The following PLEK2 variants were observed in gnomAD, a reference collection of about 807,000 sequenced individuals.
PLEK2 encodes pleckstrin 2.
In PLEK2, 29 loss-of-function variants were observed where a neutral mutation model predicts 43.8. The ratio of observed to expected loss-of-function variants is 0.66; its 90% CI spans 0.49 to 0.90. The LOEUF (loss-of-function observed/expected upper bound fraction) is 0.90, where lower values mean the gene tolerates loss of function less well. PLEK2 is among the 40% of genes least tolerant of loss of function. PLEK2 has a pLI of 0.00. For missense variants in PLEK2, 398 were observed against 448.1 expected (o/e 0.89, Z 1.01); for synonymous variants, 162 against 173.2 (o/e 0.94, Z 0.51).
intron 1 of PLEK2, 132 bp downstream of exon 1, chr14:67,411,886 C>G (rs2086117401): frequency 2.5e-6 from 2 of 812,278 alleles, no homozygotes; most frequent in Non-Finnish European, 1.8e-6. Flanking sequence ...ACAGGCGGCC[C>G]GGTCCCACCA....
chr14:67,410,158 T>C (rs1172431764), intron 1 of PLEK2, among the ~76,000 whole-genome samples: 2 of 152,072 alleles, frequency 1.3e-5, no homozygotes, highest in Non-Finnish European at 2.9e-5. Flanking sequence ...ATCCTCCTGG[T>C]GATATCCTGG....
intron 1 of PLEK2, among the ~76,000 whole-genome samples, chr14:67,407,671 C>T (rs2086088255): frequency 6.6e-6 from 1 of 151,998 alleles, no homozygotes; most frequent in Non-Finnish European, 1.5e-5. Context: ...GAACTCCTGG[C>T]CTCAAGCAAT....
In PLEK2 at chr14:67,392,380, C is replaced by T. The variant is rs778556585; in HGVS notation, c.717G>A (p.Leu239=). Reference sequence around the variant, plus strand: ...CCGTGCCACTTAACTCCACAGTGCTCAGGCTAATTTCTTCCTTGGGGCTTA... The same window carrying T: ...CCGTGCCACTTAACTCCACAGTGCTTAGGCTAATTTCTTCCTTGGGGCTTA... ...KKISPKEEIS[L]STVELSGTVV... The change falls in exon 6 of 9, where the codon CTG becomes CTA. Residue 239 remains leucine (L), a synonymous_variant. Transcript: ENST00000216446. 5 of 1,614,034 alleles carry T rather than the reference C, an allele frequency of 3.1e-6. No individual in the cohort carries two copies. In the South Asian group the frequency reaches 3.3e-5, roughly 11 times the overall value.
chr14:67,397,779 C>G lies in PLEK2; in HGVS notation c.90G>C (p.Gln30His). Residue 30 changes from glutamine to histidine, a missense_variant, in exon 2 of 9, where the codon CAG becomes CAC. Coordinates refer to ENST00000216446, the MANE Select transcript of PLEK2 (RefSeq NM_016445.3). The stretch of plus-strand genomic sequence containing the variant: ...CAAGCTTGTAGTACACCAGCGTGTT[C>G]TGCCGAAGGATGAACCATCGCGCCT... ...NWKARWFILR[Q>H]NTLVYYKLEG... 6.2e-7 allele frequency: 1 copy of G among 1,613,390 alleles called. No homozygotes were observed. Among genetic ancestry groups the G allele is most frequent in the Admixed American group, 1.7e-5 (1 of 59,928 alleles).
At chr14:67,388,009 G>T (rs1240402223) in intron 8 of PLEK2, among the ~76,000 whole-genome samples, 1 of 152,220 alleles carries the variant, frequency 6.6e-6, no homozygotes, top group Admixed American at 6.5e-5. Context: ...TGAGGGGAAA[G>T]ATTATTAACA....
At chr14:67,391,825 A>G (rs1179333474) in intron 6 of PLEK2, among the ~76,000 whole-genome samples, 1 of 152,320 alleles carries the variant, frequency 6.6e-6, no homozygotes, top group East Asian at 1.9e-4. Flanking sequence ...GGCCATGGCC[A>G]GGCTTTGAAT....
intron 1 of PLEK2, among the ~76,000 whole-genome samples, chr14:67,401,872 C>G (rs1201236050): frequency 6.6e-6 from 1 of 152,122 alleles, no homozygotes; most frequent in Non-Finnish European, 1.5e-5. Context: ...GCCTGTAATT[C>G]CAACATTTTG....
Position 67,387,362 on chromosome 14 carries a change from G to A in PLEK2, c.1029C>T (p.Ala343=), listed in dbSNP as rs35140618. The change falls in exon 9 of 9, where the codon GCC becomes GCT. Residue 343 remains alanine, a synonymous_variant. Transcript: ENST00000216446. ...GCTTTTTGATAGCTTCAATCCACTCGGCTCGCTCAGCCTTGCTGCTGGCCT... is the reference window on the plus strand; with the variant it reads ...GCTTTTTGATAGCTTCAATCCACTCAGCTCGCTCAGCCTTGCTGCTGGCCT... The part of the protein sequence containing the change: ...YIQASSKAER[A]EWIEAIKKLT The A allele has an allele frequency of 8.1e-6, 13 of 1,610,726 alleles. No homozygotes were observed. The highest frequency in any genetic ancestry group is 1.3e-5 in the African/African-American group (1 of 74,844).
chr14:67,392,635 G>C (rs1303955832), intron 5 of PLEK2, 27 bp downstream of exon 5: 1 of 1,589,944 alleles, frequency 6.3e-7, no homozygotes, highest in East Asian at 2.2e-5. Context: ...TGCCCTGGTG[G>C]CAAGAAGAAC....
At position 67,395,454 on chromosome 14, in the gene PLEK2, GC is replaced by G; in HGVS notation, c.336del (p.Gln112HisfsTer6). On this transcript the variant is annotated frameshift_variant, in exon 3 of 9. Coordinates refer to ENST00000216446, the MANE Select transcript of PLEK2 (RefSeq NM_016445.3). LOFTEE classifies it high-confidence loss of function. ...AAGGAGTTTCTCAGGCTGTGCAGCT[GC>G]TGGACCTTCCCCGGCTGCCCTGCAT... ...AIHAGQPGKV[Q>X]QLHSLRNSFK... 3 of 1,614,062 alleles carry G rather than the reference GC, an allele frequency of 1.9e-6. No homozygotes were observed. The highest frequency in any genetic ancestry group is 2.5e-6 in the Non-Finnish European group (3 of 1,179,912).
intron 6 of PLEK2, among the ~76,000 whole-genome samples, chr14:67,391,013 G>A (rs373877393): frequency 1.3e-5 from 2 of 152,222 alleles, no homozygotes; most frequent in South Asian, 2.1e-4. Flanking sequence ...AAGGAAAGGG[G>A]ACACACAATA....
chr14:67,391,142 G>A (rs185007519), intron 6 of PLEK2, among the ~76,000 whole-genome samples: 9 of 152,212 alleles, frequency 5.9e-5, no homozygotes, highest in African/African-American at 2.2e-4. Flanking sequence ...CAAACCTACA[G>A]CTACATGTAT....
chr14:67,399,910 T>C (rs537333909), intron 1 of PLEK2, among the ~76,000 whole-genome samples: 1 of 152,186 alleles, frequency 6.6e-6, no homozygotes, highest in Non-Finnish European at 1.5e-5. Context: ...AAAAGCACCT[T>C]CCTGGGATAT....
chr14:67,400,900 C>A (rs1046845449), intron 1 of PLEK2, among the ~76,000 whole-genome samples: 4 of 151,020 alleles, frequency 2.6e-5, no homozygotes, highest in Non-Finnish European at 5.9e-5. Flanking sequence ...TGAGGAGGGA[C>A]AATCATTTAA....
chr14:67,397,105 G>A (rs7157704), intron 2 of PLEK2, among the ~76,000 whole-genome samples: 26,619 of 151,674 alleles, frequency 0.18, 4,005 homozygotes, highest in East Asian at 0.49. Context: ...CGCTCAGCTA[G>A]TTTTTGTATT....
At chr14:67,399,491 G>T (rs2086032840) in intron 1 of PLEK2, among the ~76,000 whole-genome samples, 1 of 148,806 alleles carries the variant, frequency 6.7e-6, no homozygotes, top group Non-Finnish European at 1.5e-5. Context: ...TGGCTGTCAG[G>T]TGGCAGGAAT....
chr14:67,388,910 C>A (rs2085947138), intron 7 of PLEK2, among the ~76,000 whole-genome samples: 2 of 152,068 alleles, frequency 1.3e-5, no homozygotes, highest in Admixed American at 1.3e-4. Context: ...AACTCCTGAC[C>A]TCAAGTGATC....
chr14:67,395,694 C>T, intron 2 of PLEK2, 111 bp from the exon 3 acceptor site: 1 of 773,416 alleles, frequency 1.3e-6, no homozygotes, highest in Non-Finnish European at 2.2e-6. Context: ...CTGCCAAATG[C>T]CCTGAGCCCT....
At chr14:67,398,544 A>C (rs576420750) in intron 1 of PLEK2, among the ~76,000 whole-genome samples, 75 of 147,962 alleles carry the variant, frequency 5.1e-4, no homozygotes, top group Non-Finnish European at 9.4e-4. Context: ...CTGAGAACCA[A>C]CTAAACTACC....
Sources: gnomAD v4.1 joint callset for allele counts (sites outside exome capture counted in the v4.1 genomes callset) on GRCh38, gnomAD v4.1.1 for gene constraint, MANE v1.5 for transcripts, NCBI Gene and HGNC (gene_info 2026-07-23, HGNC 2026-07-21) for gene names.